The following SIRPA variants were observed in gnomAD, a reference collection of about 807,000 sequenced individuals.
The protein encoded by SIRPA is signal regulatory protein alpha, also known as tyrosine-protein phosphatase non-receptor type substrate 1.
SIRPA carries 9 observed loss-of-function variants against 50.3 expected under a neutral mutation model. The observed-to-expected ratio is 0.18, with a 90% CI of 0.11 to 0.31. The LOEUF is 0.31. Among genes scored for constraint, SIRPA ranks in the 10% least tolerant of loss-of-function variants. The pLI is 1.00. For missense variants in SIRPA, 474 were observed against 661.6 expected (o/e 0.72, Z 3.11); for synonymous variants, 265 against 284.1 (o/e 0.93, Z 0.68).
At chr20:1,895,262 GGA>G, upstream of SIRPA, 7 of 441,508 alleles carry the variant, frequency 1.6e-5, no homozygotes, top group African/African-American at 6.3e-5. Flanking sequence ...TGGGGGGCGG[GGA>G]GGGGGGGTCT....
intron 1 of SIRPA, among the ~76,000 whole-genome samples, chr20:1,900,843 A>C (rs1984149228): frequency 6.6e-6 from 1 of 152,222 alleles, no homozygotes; most frequent in Non-Finnish European, 1.5e-5. Context: ...TCCTGGGCTC[A>C]GCACTTGGTG....
At chr20:1,922,224 C>T in intron 3 of SIRPA, 89 bp from the exon 4 acceptor site, 1 of 1,533,322 alleles carries the variant, frequency 6.5e-7, no homozygotes, top group Non-Finnish European at 8.9e-7. Flanking sequence ...TGGTGATGAC[C>T]TCACCGTGGT....
chr20:1,911,640 C>G (rs1479103275), intron 1 of SIRPA, among the ~76,000 whole-genome samples: 1 of 152,164 alleles, frequency 6.6e-6, no homozygotes, highest in African/African-American at 2.4e-5. Flanking sequence ...GGGTTACGTC[C>G]TCAGGGAGCA....
Position 1,937,371 on chromosome 20 carries a change from C to T in SIRPA, c.1318C>T (p.Pro440Ser), listed in dbSNP as rs1377814553. The stretch of plus-strand genomic sequence containing the variant: ...CCTGAACCTGCCCAAGGGGAAGAAG[C>T]CTGCTCCCCAGGCTGCGGAGCCCAA... ...ADLNLPKGKK[P>S]APQAAEPNNH... Residue 440 changes from proline (P) to serine (S), a missense_variant, in exon 8 of 8, where the codon CCT becomes TCT. By Grantham distance (74) the Pro-to-Ser change is moderately conservative. This residue lies in a region of SIRPA where 180 missense variants were observed against 206.7 expected (regional missense o/e 0.87). Transcript: ENST00000358771. The surrounding 1 kb of genome is among the most constrained non-coding windows in gnomAD (Gnocchi z 8.3). The T allele has an allele frequency of 5.0e-6, 8 of 1,613,952 alleles. No individual in the cohort carries two copies. Among genetic ancestry groups the T allele is most frequent in the African/African-American group, 2.7e-5 (2 of 74,868 alleles).
At chr20:1,913,147 G>T (rs1372529687) in intron 1 of SIRPA, among the ~76,000 whole-genome samples, 1 of 152,230 alleles carries the variant, frequency 6.6e-6, no homozygotes, top group Non-Finnish European at 1.5e-5. Flanking sequence ...GGTCTTAAGT[G>T]GTTGATCAGG....
intron 1 of SIRPA, among the ~76,000 whole-genome samples, chr20:1,914,101 G>C (rs1257733585): frequency 6.6e-6 from 1 of 152,218 alleles, no homozygotes; most frequent in Non-Finnish European, 1.5e-5. Flanking sequence ...TTGAGCCACA[G>C]CCACCTCCTT....
rs770899455 is a variant in SIRPA, at chr20:1,915,083, T to C, written c.80-16T>C. The C allele has an allele frequency of 1.3e-6, 2 of 1,599,692 alleles. No individual in the cohort carries two copies. Among genetic ancestry groups the C allele is most frequent in the Admixed American group, 1.7e-5 (1 of 59,282 alleles). On this transcript the variant is annotated splice_polypyrimidine_tract_variant and intron_variant, in intron 1 of 7. Transcript: ENST00000358771. Reference sequence around the variant, plus strand: ...ACGTAAGGATGAAAAAATGACTGCTTTGTGCTCCTTTCCAGGAGTGGCGGG... The same window carrying C: ...ACGTAAGGATGAAAAAATGACTGCTCTGTGCTCCTTTCCAGGAGTGGCGGG...
chr20:1,902,639 A>T (rs1984288788), intron 1 of SIRPA, among the ~76,000 whole-genome samples: 1 of 152,220 alleles, frequency 6.6e-6, no homozygotes, highest in Non-Finnish European at 1.5e-5. Context: ...GTAGCTGGGG[A>T]GAAAAGCAGG....
At chr20:1,921,323 A>T in intron 2 of SIRPA, 72 bp from the exon 3 acceptor site, 3 of 1,608,482 alleles carry the variant, frequency 1.9e-6, no homozygotes, top group Non-Finnish European at 2.6e-6. Context: ...AAGGTTCTTA[A>T]CGTGTCACAC....
At position 1,922,614 on chromosome 20, in the gene SIRPA, C is replaced by T; in HGVS notation, c.1056C>T (p.His352=). The T allele has an allele frequency of 4.3e-6, 7 of 1,613,430 alleles. No homozygotes were observed. The highest frequency in any genetic ancestry group is 1.1e-5 in the South Asian group (1 of 91,010). The change falls in exon 4 of 8, where the codon CAC becomes CAT. Residue 352 remains histidine, a synonymous_variant. Coordinates refer to ENST00000358771, the MANE Select transcript of SIRPA (RefSeq NM_001040023.2). ...SKSHDLKVSA[H]PKEQGSNTAA... is the part of the protein sequence containing the mutation. ...GCCATGACCTGAAGGTCTCAGCCCA[C>T]CCGAAGGAGCAGGGCTCAAATACCG... is the stretch of plus-strand genomic sequence containing the variant.
intron 2 of SIRPA, 144 bp from the exon 3 acceptor site, chr20:1,921,251 A>G: frequency 3.4e-6 from 5 of 1,449,344 alleles, no homozygotes; most frequent in Admixed American, 2.1e-5. Context: ...TAAAATGACA[A>G]TAAGGACACC....
Position 1,912,825 on chromosome 20 carries a change from C to T in SIRPA, c.80-2274C>T, listed in dbSNP as rs140955032. Among the ~76,000 whole-genome samples, 29 of 152,324 alleles carry T rather than the reference C, an allele frequency of 1.9e-4. 1 individual carries two copies. In the East Asian group the frequency reaches 5.2e-3, roughly 27 times the overall value. ...GCTGGCCCTAGCAACTGTGCTTCCCCGAGGCAGCCTTTCCAGTTGGTCCAG... is the reference window on the plus strand; with the variant it reads ...GCTGGCCCTAGCAACTGTGCTTCCCTGAGGCAGCCTTTCCAGTTGGTCCAG... On this transcript the variant is annotated intron_variant, in intron 1 of 7. Transcript: ENST00000358771.
At chr20:1,894,236 G>C (rs1429661686), upstream of SIRPA, 1 of 152,166 alleles carries the variant, frequency 6.6e-6, no homozygotes, top group Non-Finnish European at 1.5e-5. The surrounding 1 kb of genome is among the most constrained non-coding windows in gnomAD (Gnocchi z 4.0). Context: ...CCTGGGGAGG[G>C]TTAAAAGGCA....
rs1986092652 is a variant in SIRPA at position 1,928,042 on chromosome 20, C to T, written c.1226+143C>T. 6.5e-6 allele frequency: 5 copies of T among 769,924 alleles called. No homozygotes were observed. The highest frequency in any genetic ancestry group is 1.5e-5 in the South Asian group (1 of 68,106). 47.7% of individuals were successfully genotyped at this position (769,924 alleles called of 1,614,324 possible). ...CTCTTTCTCTCCTTTGTAACCTCCT[C>T]ACACTGGGTCACGCTGTTTTTAATT... On this transcript the variant is annotated intron_variant, in intron 6 of 7. Transcript: ENST00000358771. The surrounding 1 kb of genome is among the most constrained non-coding windows in gnomAD (Gnocchi z 4.9).
rs1257888264 is a variant in SIRPA, at chr20:1,937,045, C to T, written c.1267-275C>T. ...GGTTCAGGCTAGGAGGAGGCAGGAA[C>T]GGGAGGAGGTGACACTGAGGCGGGG... On this transcript the variant is annotated intron_variant, in intron 7 of 7. Transcript: ENST00000358771. The surrounding 1 kb of genome is among the most constrained non-coding windows in gnomAD (Gnocchi z 8.3). 2.0e-5 allele frequency among the ~76,000 whole-genome samples: 3 copies of T among 151,978 alleles called. No individual in the cohort carries two copies. The highest frequency in any genetic ancestry group is 4.8e-5 in the African/African-American group (2 of 41,376).
Position 1,895,541 on chromosome 20 carries a change from G to T in SIRPA, c.79+15G>T. 1 of 1,429,748 alleles carries T rather than the reference G, an allele frequency of 7.0e-7. No homozygotes were observed. The allele number at this position is 1,429,748 out of a possible 1,614,324, so 88.6% of individuals were successfully genotyped here. A position where few individuals can be genotyped will look rare whatever the true frequency, so the allele number is the denominator to read the frequency against. ...CGCCTGGTCAGGTAAGCACCCCCCC[G>T]CTCCCCACCGCTGCACTCCCCAAAC... On this transcript the variant is annotated intron_variant, in intron 1 of 7. Transcript: ENST00000358771.
chr20:1,901,065 C>T (rs956553079), intron 1 of SIRPA, among the ~76,000 whole-genome samples: 3 of 151,880 alleles, frequency 2.0e-5, no homozygotes, highest in Non-Finnish European at 4.4e-5. Context: ...CTGAGGCTTG[C>T]TTGACAGGTA....
chr20:1,901,494 A>G (rs1600393107), intron 1 of SIRPA, among the ~76,000 whole-genome samples: 1 of 151,928 alleles, frequency 6.6e-6, no homozygotes, highest in African/African-American at 2.4e-5. Flanking sequence ...CTATCAGTGC[A>G]CCTTCCTATG....
chr20:1,905,552 A>G (rs543634462), intron 1 of SIRPA, among the ~76,000 whole-genome samples: 52 of 152,294 alleles, frequency 3.4e-4, no homozygotes, highest in African/African-American at 1.0e-3. Flanking sequence ...TCTCAGGGCA[A>G]TGGTTGGGGC....
Sources: allele counts gnomAD v4.1 joint callset (sites outside exome capture counted in the v4.1 genomes callset), GRCh38; gene constraint gnomAD v4.1.1; regional missense constraint gnomAD v4.1.1; non-coding constraint Gnocchi (gnomAD v3.1); transcripts MANE v1.5; gene names NCBI Gene and HGNC (gene_info 2026-07-23, HGNC 2026-07-21).